Variants in RPS6KA2 observed in about 807,000 individuals in gnomAD.
The protein encoded by RPS6KA2 is ribosomal protein S6 kinase A2, also known as ribosomal protein S6 kinase alpha-2.
In RPS6KA2, 42 loss-of-function variants were observed where a neutral mutation model predicts 91.8. The ratio of observed to expected loss-of-function variants is 0.46; its 90% CI spans 0.36 to 0.59. The LOEUF (loss-of-function observed/expected upper bound fraction) is 0.59. Ranked by LOEUF, RPS6KA2 falls within the 20% of genes least tolerant of loss-of-function variation. The pLI is 0.00. For missense variants in RPS6KA2, 798 were observed against 978.5 expected (o/e 0.82, Z 2.46); for synonymous variants, 414 against 393.6 (o/e 1.05, Z -0.61).
In RPS6KA2 at chr6:166,648,640, C is replaced by A. The variant is rs1163083717; in HGVS notation, c.124-109856G>T. On this transcript the variant is annotated intron_variant, in intron 2 of 21. Transcript: ENST00000503859. The surrounding 1 kb of genome is among the most constrained non-coding windows in gnomAD (Gnocchi z 4.8). ...ACGCAGCTGACTTCTTAATCTGTTT[C>A]CAGCTCTGCCCTCTCTCACTAGCTG... Among the ~76,000 whole-genome samples the A allele has an allele frequency of 1.3e-5, 2 of 152,314 alleles. No homozygotes were observed. The highest frequency in any genetic ancestry group is 1.9e-4 in the East Asian group (1 of 5,188).
At chr6:166,485,612 G>A (rs1333673950) in intron 10 of RPS6KA2, among the ~76,000 whole-genome samples, 4 of 152,188 alleles carry the variant, frequency 2.6e-5, no homozygotes, top group African/African-American at 7.2e-5. Flanking sequence ...AGGGCACCGC[G>A]ATGCATTGGC....
At chr6:166,576,087 C>A (rs114951907) in intron 1 of RPS6KA2, among the ~76,000 whole-genome samples, 5 of 152,102 alleles carry the variant, frequency 3.3e-5, no homozygotes, top group African/African-American at 1.2e-4. Flanking sequence ...GGGGCTTCTG[C>A]CTTTGCTTCT....
chr6:166,556,198 C>T (rs1052016021), intron 1 of RPS6KA2, among the ~76,000 whole-genome samples: 1 of 152,206 alleles, frequency 6.6e-6, no homozygotes, highest in Non-Finnish European at 1.5e-5. Context: ...TGGCTCTCTC[C>T]TGTGCAAGAG....
chr6:166,575,958 A>G (rs974710629), intron 1 of RPS6KA2, among the ~76,000 whole-genome samples: 2 of 152,236 alleles, frequency 1.3e-5, no homozygotes, highest in Admixed American at 6.5e-5. Context: ...TTGTACTCCC[A>G]TAATTCCCAT....
At chr6:166,582,638 C>T (rs1032315881) in intron 1 of RPS6KA2, among the ~76,000 whole-genome samples, 8 of 152,188 alleles carry the variant, frequency 5.3e-5, no homozygotes, top group South Asian at 2.1e-4. Flanking sequence ...AATGAAATGG[C>T]ATTTATTTTC....
intron 2 of RPS6KA2, among the ~76,000 whole-genome samples, chr6:166,716,934 T>G (rs931466886): frequency 1.3e-5 from 2 of 152,234 alleles, no homozygotes; most frequent in Non-Finnish European, 2.9e-5. Flanking sequence ...ATGCAAAGCA[T>G]CAGTGCTCCA....
intron 2 of RPS6KA2, among the ~76,000 whole-genome samples, chr6:166,657,496 C>T (rs894195520): frequency 3.3e-5 from 5 of 152,184 alleles, no homozygotes; most frequent in African/African-American, 4.8e-5. Flanking sequence ...AAGAGGAATA[C>T]GTCCTCATTG....
In RPS6KA2 at chr6:166,776,831, T is replaced by A. The variant is rs574155032; in HGVS notation, c.123+81369A>T. On this transcript the variant is annotated intron_variant, in intron 2 of 21. Coordinates refer to the RPS6KA2 transcript ENST00000503859. ...CATCCATTGATGGACATGTGGGCTG[T>A]CTCTTATCTTTTGGCGACTGTGAGT... Among the ~76,000 whole-genome samples, 4 of 152,342 alleles carry A rather than the reference T, an allele frequency of 2.6e-5. No individual in the cohort carries two copies. The East Asian group carries it at 7.7e-4, about 29-fold the overall frequency.
chr6:166,580,776 G>A (rs749444634), intron 1 of RPS6KA2, among the ~76,000 whole-genome samples: 10 of 152,110 alleles, frequency 6.6e-5, no homozygotes, highest in Non-Finnish European at 1.2e-4. Context: ...GATTGGACAC[G>A]GACTGGATTT....
intron 5 of RPS6KA2, among the ~76,000 whole-genome samples, chr6:166,505,315 C>T (rs1003289548): frequency 5.9e-5 from 9 of 152,108 alleles, no homozygotes; most frequent in African/African-American, 1.7e-4. Flanking sequence ...GTCCATGTCC[C>T]GGGGGCTCAC....
At position 166,411,338 on chromosome 6, in the gene RPS6KA2, G is replaced by C. The variant is rs1392840893; in HGVS notation, c.*1424C>G. The stretch of plus-strand genomic sequence containing the variant: ...GCGGGCACCTCCTGAAGCCCTGCTT[G>C]CTGCAGAGGCGCCGCTCTTCAGTGA... On this transcript the variant is annotated 3_prime_UTR_variant, in exon 21 of 21. Coordinates refer to ENST00000265678, the MANE Select transcript of RPS6KA2 (RefSeq NM_021135.6). The surrounding 1 kb of genome is among the most constrained non-coding windows in gnomAD (Gnocchi z 4.5). 1 of 151,982 alleles carries C rather than the reference G, an allele frequency of 6.6e-6. No homozygotes were observed. The highest frequency in any genetic ancestry group is 2.4e-5 in the African/African-American group (1 of 41,372). 9.4% of individuals were successfully genotyped at this position (151,982 alleles called of 1,614,324 possible).
At chr6:166,716,102 A>C (rs1790007593) in intron 2 of RPS6KA2, among the ~76,000 whole-genome samples, 2 of 150,370 alleles carry the variant, frequency 1.3e-5, no homozygotes, top group Admixed American at 1.3e-4. Context: ...CCTCACTTCA[A>C]GTCATTGTAA....
chr6:166,814,315 A>G (rs987016256), intron 2 of RPS6KA2, among the ~76,000 whole-genome samples: 1 of 152,260 alleles, frequency 6.6e-6, no homozygotes, highest in Non-Finnish European at 1.5e-5. Context: ...GTTTTAAGGC[A>G]TAGTAAAGCA....
chr6:166,657,518 C>T (rs1011349986), intron 2 of RPS6KA2, among the ~76,000 whole-genome samples: 4 of 152,152 alleles, frequency 2.6e-5, no homozygotes, highest in African/African-American at 7.2e-5. Flanking sequence ...CTGAAACTAA[C>T]GACACGGAAC....
At chr6:166,789,678 G>C (rs749259467) in intron 2 of RPS6KA2, among the ~76,000 whole-genome samples, 1 of 152,212 alleles carries the variant, frequency 6.6e-6, no homozygotes, top group African/African-American at 2.4e-5. Flanking sequence ...CCAGAGGAAC[G>C]ATCAGGCAGC....
At chr6:166,815,735 A>G (rs556283791) in intron 2 of RPS6KA2, among the ~76,000 whole-genome samples, 1 of 152,366 alleles carries the variant, frequency 6.6e-6, no homozygotes, top group African/African-American at 2.4e-5. Flanking sequence ...AGACAATAAA[A>G]GGAAAAATTT....
At chr6:166,755,360 G>A (rs583376) in intron 2 of RPS6KA2, among the ~76,000 whole-genome samples, 6,868 of 152,176 alleles carry the variant, frequency 0.045, 434 homozygotes, top group East Asian at 0.23. Context: ...GATGCATTCT[G>A]TTCAGGGTGT....
chr6:166,735,656 G>A (rs1482110679), intron 2 of RPS6KA2, among the ~76,000 whole-genome samples: 4 of 143,276 alleles, frequency 2.8e-5, no homozygotes, highest in Admixed American at 2.7e-4. Flanking sequence ...TAGATCCCTC[G>A]TGTGCACAGT....
upstream of RPS6KA2, among the ~76,000 whole-genome samples, chr6:166,631,803 G>A (rs1787085993): frequency 6.6e-6 from 1 of 152,206 alleles, no homozygotes; most frequent in African/African-American, 2.4e-5. Context: ...ACACAGAGCA[G>A]TCATAGACAC....
Sources: allele counts gnomAD v4.1 joint callset (sites outside exome capture counted in the v4.1 genomes callset), GRCh38; gene constraint gnomAD v4.1.1; non-coding constraint Gnocchi (gnomAD v3.1); transcripts MANE v1.5; gene names NCBI Gene and HGNC (gene_info 2026-07-23, HGNC 2026-07-21).